The following STXBP5 variants were observed in gnomAD, a reference collection of about 807,000 sequenced individuals.
The protein encoded by STXBP5 is syntaxin-binding protein 5.
Under a neutral mutation model 152.4 loss-of-function variants are expected in STXBP5, and 50 were observed. That is an observed-to-expected ratio of 0.33 (90% confidence interval 0.26 to 0.42). The LOEUF is 0.42. Among genes scored for constraint, STXBP5 ranks in the 10% least tolerant of loss-of-function variants. The pLI is 1.00. For missense variants in STXBP5, 1,167 were observed against 1,388.6 expected (o/e 0.84, Z 2.54); for synonymous variants, 492 against 494.7 (o/e 0.99, Z 0.07).
chr6:147,332,517 G>A (rs1346593168), intron 18 of STXBP5, among the ~76,000 whole-genome samples: 1 of 152,208 alleles, frequency 6.6e-6, no homozygotes, highest in Non-Finnish European at 1.5e-5. Flanking sequence ...TCATACAAGA[G>A]AACAAGCACA....
At chr6:147,361,518 AGAAAG>A (rs1479884238) in intron 23 of STXBP5, among the ~76,000 whole-genome samples, 1 of 152,172 alleles carries the variant, frequency 6.6e-6, no homozygotes, top group Non-Finnish European at 1.5e-5. Flanking sequence ...AGCCCTGAGA[AGAAAG>A]AGATGTTTTC....
intron 4 of STXBP5, among the ~76,000 whole-genome samples, chr6:147,255,616 C>G (rs1779322186): frequency 6.6e-6 from 1 of 152,126 alleles, no homozygotes; most frequent in African/African-American, 2.4e-5. Flanking sequence ...TGCCTCAGCT[C>G]AAGCAATCCT....
At chr6:147,369,738 T>C (rs956305257) in intron 25 of STXBP5, among the ~76,000 whole-genome samples, 11 of 152,066 alleles carry the variant, frequency 7.2e-5, no homozygotes, top group African/African-American at 2.7e-4. Context: ...TGAGATACCA[T>C]TAAACCCCTT....
intron 3 of STXBP5, among the ~76,000 whole-genome samples, chr6:147,237,627 A>T (rs1778345019): frequency 6.6e-6 from 1 of 152,222 alleles, no homozygotes; most frequent in East Asian, 1.9e-4. Flanking sequence ...TGAAATGGAG[A>T]GAGTGTGGAC....
chr6:147,361,045 A>C (rs1785041896), intron 23 of STXBP5, among the ~76,000 whole-genome samples: 1 of 152,228 alleles, frequency 6.6e-6, no homozygotes, highest in African/African-American at 2.4e-5. Context: ...AGATTAAGGA[A>C]AACAGGTTAC....
intron 27 of STXBP5, 138 bp from the exon 28 acceptor site, chr6:147,384,576 A>G: frequency 2.4e-6 from 2 of 821,794 alleles, no homozygotes; most frequent in South Asian, 3.1e-5. Context: ...ACTGCTTTTA[A>G]TAAGTTGAAG....
At chr6:147,382,186 G>A (rs1303220661) in intron 26 of STXBP5, among the ~76,000 whole-genome samples, 1 of 152,178 alleles carries the variant, frequency 6.6e-6, no homozygotes, top group Non-Finnish European at 1.5e-5. Flanking sequence ...ACAGTGAATC[G>A]CAAGGTCTTT....
At chr6:147,242,045 A>G (rs952776499) in intron 4 of STXBP5, among the ~76,000 whole-genome samples, 2 of 152,070 alleles carry the variant, frequency 1.3e-5, no homozygotes, top group Non-Finnish European at 2.9e-5. Context: ...GGAGATGATC[A>G]CTCAGTGTGT....
At chr6:147,206,905 C>T (rs1300425068) in intron 2 of STXBP5, among the ~76,000 whole-genome samples, 1 of 151,524 alleles carries the variant, frequency 6.6e-6, no homozygotes, top group East Asian at 1.9e-4. Flanking sequence ...ACATACTTAA[C>T]CTAAATATAT....
intron 4 of STXBP5, among the ~76,000 whole-genome samples, chr6:147,240,996 T>C (rs995664592): frequency 2.0e-5 from 3 of 152,288 alleles, no homozygotes; most frequent in Non-Finnish European, 2.9e-5. Context: ...AAGTTTGTAG[T>C]TGTAGTCTTA....
chr6:147,239,372 C>A, intron 4 of STXBP5, 102 bp downstream of exon 4: 1 of 906,626 alleles, frequency 1.1e-6, no homozygotes, highest in Non-Finnish European at 1.7e-6. Flanking sequence ...TATGCACAAT[C>A]TAAAAACTGA....
chr6:147,286,084 T>G (rs1268029264), intron 8 of STXBP5, among the ~76,000 whole-genome samples: 1 of 152,224 alleles, frequency 6.6e-6, no homozygotes, highest in Non-Finnish European at 1.5e-5. Context: ...AGTTCTTAAT[T>G]TATTCCTTGT....
At chr6:147,245,879 A>AT (rs1778786173) in intron 4 of STXBP5, among the ~76,000 whole-genome samples, 1 of 152,126 alleles carries the variant, frequency 6.6e-6, no homozygotes, top group Non-Finnish European at 1.5e-5. Context: ...CATGCAACAG[A>AT]TTCTCCCCTA....
chr6:147,250,173 A>G (rs1001965999), intron 4 of STXBP5, among the ~76,000 whole-genome samples: 1 of 152,232 alleles, frequency 6.6e-6, no homozygotes, highest in African/African-American at 2.4e-5. Context: ...AAAAGGAACA[A>G]TGATTAAGAG....
intron 19 of STXBP5, among the ~76,000 whole-genome samples, chr6:147,336,433 G>A (rs1449490609): frequency 6.6e-6 from 1 of 150,710 alleles, no homozygotes; most frequent in Non-Finnish European, 1.5e-5. Flanking sequence ...CATTCTAATA[G>A]GAAAATAAAG....
At chr6:147,240,167 C>G (rs534787713) in intron 4 of STXBP5, among the ~76,000 whole-genome samples, 1 of 152,264 alleles carries the variant, frequency 6.6e-6, no homozygotes, top group East Asian at 1.9e-4. Flanking sequence ...GTCTCGAACT[C>G]CTGACCTCAA....
intron 4 of STXBP5, among the ~76,000 whole-genome samples, chr6:147,247,382 G>C (rs1227759796): frequency 6.6e-6 from 1 of 152,170 alleles, no homozygotes. Context: ...GAAGATGGGG[G>C]ATCTGCTACT....
At chr6:147,299,693 G>T (rs1487860889) in intron 9 of STXBP5, among the ~76,000 whole-genome samples, 1 of 151,868 alleles carries the variant, frequency 6.6e-6, no homozygotes, top group Non-Finnish European at 1.5e-5. Context: ...TTTTAACAAA[G>T]TACTAGCAAA....
chr6:147,328,727 C>T (rs752797929), intron 18 of STXBP5: 9 of 470,644 alleles, frequency 1.9e-5, no homozygotes, highest in South Asian at 1.1e-4. Flanking sequence ...CTTGCATGTG[C>T]GGCCTTTCTA....
Sources: allele counts gnomAD v4.1 joint callset (sites outside exome capture counted in the v4.1 genomes callset), GRCh38; gene constraint gnomAD v4.1.1; transcripts MANE v1.5; gene names NCBI Gene and HGNC (gene_info 2026-07-23, HGNC 2026-07-21).